GDA: variants seen among roughly 807,000 people sequenced by gnomAD.
GDA encodes the protein guanine deaminase.
GDA carries 18 observed loss-of-function variants against 59.6 expected under a neutral mutation model. The observed-to-expected ratio is 0.30, with a 90% CI of 0.21 to 0.45. The LOEUF is 0.45. GDA is among the 20% of genes least tolerant of loss of function. The pLI, the probability that GDA is intolerant of heterozygous loss-of-function variation, is 1.00. For missense variants in GDA, 427 were observed against 552.3 expected (o/e 0.77, Z 2.27); for synonymous variants, 201 against 201.1 (o/e 1.00, Z 0.00).
intron 3 of GDA, among the ~76,000 whole-genome samples, chr9:72,209,085 G>A (rs968793100): frequency 7.3e-5 from 11 of 149,792 alleles, no homozygotes; most frequent in Admixed American, 6.6e-5. Context: ...TCATTTATCT[G>A]TGACCAGTTT....
intron 10 of GDA, among the ~76,000 whole-genome samples, chr9:72,239,133 G>A (rs1042253954): frequency 2.6e-5 from 4 of 152,094 alleles, no homozygotes; most frequent in African/African-American, 7.2e-5. Flanking sequence ...GGGAAGAATC[G>A]GCAAGTTACT....
At chr9:72,124,561 G>T (rs1825780755) in intron 1 of GDA, among the ~76,000 whole-genome samples, 1 of 152,172 alleles carries the variant, frequency 6.6e-6, no homozygotes, top group Non-Finnish European at 1.5e-5. Context: ...TTAAAAGAGT[G>T]TTGAGAAGTC....
chr9:72,223,991 C>T lies in GDA; in HGVS notation c.714+764C>T, dbSNP rs183111019. 1.2e-4 allele frequency among the ~76,000 whole-genome samples: 18 copies of T among 152,176 alleles called. 1 individual carries two copies. The East Asian group carries it at 1.5e-3, about 13-fold the overall frequency. ...ATCTATTTTCTTAGGAACCATTAAC[C>T]GCTCTCACCTTCCCTATTATTGTTA... On this transcript the variant is annotated intron_variant, in intron 7 of 13. Transcript: ENST00000358399.
At chr9:72,233,877 G>T (rs1337493816) in intron 10 of GDA, among the ~76,000 whole-genome samples, 1 of 152,156 alleles carries the variant, frequency 6.6e-6, no homozygotes, top group African/African-American at 2.4e-5. Flanking sequence ...GGGAGGTCAA[G>T]GCTGCAGTGA....
At chr9:72,247,455 T>G in intron 13 of GDA, 22 bp downstream of exon 13, 1 of 1,265,688 alleles carries the variant, frequency 7.9e-7, no homozygotes, top group Admixed American at 1.7e-5. Flanking sequence ...CATGTCTCTA[T>G]GCTAAATATT....
intron 1 of GDA, among the ~76,000 whole-genome samples, chr9:72,175,702 G>A (rs1244755351): frequency 2.0e-5 from 3 of 152,158 alleles, no homozygotes; most frequent in Non-Finnish European, 4.4e-5. Flanking sequence ...TGAATGTGGG[G>A]TGAAAATCAG....
intron 1 of GDA, among the ~76,000 whole-genome samples, chr9:72,134,636 TC>T (rs1826153018): frequency 6.6e-6 from 1 of 152,250 alleles, no homozygotes; most frequent in African/African-American, 2.4e-5. Context: ...ACTCCTGACC[TC>T]AGGTGATCCA....
At chr9:72,252,997 T>G (rs1433211874), downstream of GDA, among the ~76,000 whole-genome samples, 1 of 152,184 alleles carries the variant, frequency 6.6e-6, no homozygotes, top group East Asian at 1.9e-4. Context: ...ATTTTATAAA[T>G]ATTTTTATCA....
chr9:72,181,185 G>A (rs1262159830), intron 1 of GDA, among the ~76,000 whole-genome samples: 1 of 152,158 alleles, frequency 6.6e-6, no homozygotes, highest in African/African-American at 2.4e-5. Flanking sequence ...AGAAAGTACA[G>A]TTCTAATGTC....
In GDA at chr9:72,119,179, T is replaced by C. The variant is rs75342750; in HGVS notation, c.-100+4346T>C. The stretch of plus-strand genomic sequence containing the variant: ...AAAAAAATGTCAGTGGAGGAAATAA[T>C]GTTTAGGAATAAAGGATTAGCTTTC... On this transcript the variant is annotated intron_variant, in intron 1 of 13. Transcript: ENST00000545168. Among the ~76,000 whole-genome samples, 28 of 152,294 alleles carry C rather than the reference T, an allele frequency of 1.8e-4. No homozygotes were observed. The East Asian group carries it at 5.4e-3, about 29-fold the overall frequency.
At chr9:72,210,915 G>C (rs147310756) in intron 4 of GDA, 141 bp downstream of exon 4, 1 of 616,462 alleles carries the variant, frequency 1.6e-6, no homozygotes, top group African/African-American at 1.8e-5. Context: ...AAGTAATTAC[G>C]TGTCTATATG....
chr9:72,200,171 T>C (rs574524737), intron 2 of GDA, among the ~76,000 whole-genome samples: 1 of 152,068 alleles, frequency 6.6e-6, no homozygotes, highest in Admixed American at 6.6e-5. Flanking sequence ...CTAATTTTTG[T>C]ATTTTTAGTA....
intron 8 of GDA, 79 bp from the exon 9 acceptor site, chr9:72,227,864 C>A: frequency 1.3e-6 from 1 of 758,960 alleles, no homozygotes; most frequent in Admixed American, 2.0e-5. Context: ...TTCGGTCTCT[C>A]TCTAAAATAC....
chr9:72,233,047 A>AT (rs1328602732), intron 10 of GDA, among the ~76,000 whole-genome samples: 1 of 152,098 alleles, frequency 6.6e-6, no homozygotes, highest in East Asian at 1.9e-4. Context: ...ATGGTGTTTC[A>AT]TTTTTACCTA....
At chr9:72,148,305 GTGTA>G (rs1432663805), upstream of GDA, among the ~76,000 whole-genome samples, 698 of 77,504 alleles carry the variant, frequency 9.0e-3, 6 homozygotes, top group African/African-American at 0.031. Context: ...TTATTGGTGT[GTGTA>G]TGTGTGTGTG....
intron 11 of GDA, among the ~76,000 whole-genome samples, chr9:72,243,884 A>C (rs1839877452): frequency 6.6e-6 from 1 of 152,212 alleles, no homozygotes; most frequent in Admixed American, 6.5e-5. Context: ...ACATGTGAAA[A>C]TTGAAATAAG....
chr9:72,167,096 T>C (rs1829407648), intron 1 of GDA, among the ~76,000 whole-genome samples: 2 of 152,230 alleles, frequency 1.3e-5, no homozygotes, highest in Non-Finnish European at 2.9e-5. Flanking sequence ...GCTTTTGGTC[T>C]TAAAGCCTGA....
chr9:72,133,307 A>AAT (rs1826100208), intron 1 of GDA, among the ~76,000 whole-genome samples: 4 of 143,314 alleles, frequency 2.8e-5, no homozygotes, highest in African/African-American at 1.0e-4. Context: ...AAAAAAAAAA[A>AAT]AAATAATAAT....
intron 1 of GDA, among the ~76,000 whole-genome samples, chr9:72,135,533 T>C (rs1184242809): frequency 6.6e-6 from 1 of 152,134 alleles, no homozygotes; most frequent in Non-Finnish European, 1.5e-5. Flanking sequence ...TTTCCTCTCC[T>C]ATCTTCACCT....
Sources: gnomAD v4.1 joint callset for allele counts (sites outside exome capture counted in the v4.1 genomes callset) on GRCh38, gnomAD v4.1.1 for gene constraint, MANE v1.5 for transcripts, NCBI Gene and HGNC (gene_info 2026-07-23, HGNC 2026-07-21) for gene names.